The following FRMD3 variants were observed in gnomAD, a reference collection of about 807,000 sequenced individuals.
FRMD3 encodes FERM domain-containing protein 3.
In FRMD3, 33 loss-of-function variants were observed where a neutral mutation model predicts 70.2. The ratio of observed to expected loss-of-function variants is 0.47; its 90% CI spans 0.36 to 0.63. The LOEUF (loss-of-function observed/expected upper bound fraction) is 0.63, where lower values mean the gene tolerates loss of function less well. FRMD3 is among the 20% of genes least tolerant of loss of function. The pLI is 0.00. For synonymous variants in FRMD3, 279 were observed against 255.9 expected, an observed-to-expected ratio of 1.09 and a Z score of -0.86; for missense variants, 632 against 711.4, an observed-to-expected ratio of 0.89 and a Z score of 1.27.
At chr9:83,441,253 T>A (rs931699014) in intron 1 of FRMD3, among the ~76,000 whole-genome samples, 6 of 152,134 alleles carry the variant, frequency 3.9e-5, no homozygotes, top group Non-Finnish European at 8.8e-5. Flanking sequence ...ATAATGTGAA[T>A]TTTGTTTTTG....
intron 3 of FRMD3, among the ~76,000 whole-genome samples, chr9:83,367,407 T>C (rs1824824591): frequency 6.6e-6 from 1 of 152,184 alleles, no homozygotes; most frequent in South Asian, 2.1e-4. Flanking sequence ...TTTCCCTGAA[T>C]GCAGCTATAA....
chr9:83,489,673 T>C (rs1003286337), intron 1 of FRMD3, among the ~76,000 whole-genome samples: 12 of 152,226 alleles, frequency 7.9e-5, no homozygotes, highest in Admixed American at 2.0e-4. Flanking sequence ...TCCAAATTAG[T>C]TCAGCCATTG....
chr9:83,486,436 C>T (rs1346380914), intron 1 of FRMD3, among the ~76,000 whole-genome samples: 4 of 152,190 alleles, frequency 2.6e-5, no homozygotes, highest in Non-Finnish European at 5.9e-5. Flanking sequence ...TAGCCAAGCT[C>T]TTCCCCAGCC....
At chr9:83,305,808 A>G (rs963186397) in intron 10 of FRMD3, among the ~76,000 whole-genome samples, 2 of 152,232 alleles carry the variant, frequency 1.3e-5, no homozygotes, top group Non-Finnish European at 2.9e-5. Flanking sequence ...AACTATAGCC[A>G]AAGTGCCAAT....
chr9:83,252,022 G>A (rs932205676), intron 13 of FRMD3, among the ~76,000 whole-genome samples: 3 of 152,080 alleles, frequency 2.0e-5, no homozygotes, highest in Non-Finnish European at 4.4e-5. Flanking sequence ...GAAATGCAGA[G>A]AACCCCAGTA....
intron 1 of FRMD3, among the ~76,000 whole-genome samples, chr9:83,430,689 T>C (rs976246114): frequency 1.3e-5 from 2 of 152,202 alleles, no homozygotes; most frequent in East Asian, 1.9e-4. Flanking sequence ...CTCTAAAGTT[T>C]AAAGCCGTTG....
chr9:83,348,174 G>T (rs1167024399), intron 4 of FRMD3, among the ~76,000 whole-genome samples: 1 of 152,014 alleles, frequency 6.6e-6, no homozygotes, highest in East Asian at 1.9e-4. Context: ...GATTTGATTT[G>T]ATCTTCCTAA....
At chr9:83,382,546 G>A (rs1825389987) in intron 2 of FRMD3, among the ~76,000 whole-genome samples, 1 of 152,154 alleles carries the variant, frequency 6.6e-6, no homozygotes, top group South Asian at 2.1e-4. Flanking sequence ...GCAGAGATAG[G>A]ATTTGCCCTG....
rs147472403 is a variant in FRMD3, at chr9:83,387,913, G to A, written c.252+1691C>T. On this transcript the variant is annotated intron_variant, in intron 2 of 13. Transcript: ENST00000304195. Reference sequence around the variant, plus strand: ...AGGTCTGGAATAGGGTTCACACTACGCAAACATCTAAGGTGATTTTCTTGC... The same window carrying A: ...AGGTCTGGAATAGGGTTCACACTACACAAACATCTAAGGTGATTTTCTTGC... 7.2e-5 allele frequency among the ~76,000 whole-genome samples: 11 copies of A among 152,212 alleles called. No homozygotes were observed. The East Asian group carries it at 1.2e-3, about 16-fold the overall frequency.
At chr9:83,422,946 G>A (rs1198928993) in intron 1 of FRMD3, among the ~76,000 whole-genome samples, 1 of 152,162 alleles carries the variant, frequency 6.6e-6, no homozygotes, top group African/African-American at 2.4e-5. Context: ...ACCAGGCCAG[G>A]GAACGAATGC....
chr9:83,451,548 A>T (rs1827657710), intron 1 of FRMD3, among the ~76,000 whole-genome samples: 1 of 152,248 alleles, frequency 6.6e-6, no homozygotes, highest in African/African-American at 2.4e-5. Context: ...CCTGGGGCCA[A>T]ATAGCCTGAC....
intron 3 of FRMD3, among the ~76,000 whole-genome samples, chr9:83,371,784 C>T (rs1824982144): frequency 6.6e-6 from 1 of 151,926 alleles, no homozygotes; most frequent in Admixed American, 6.6e-5. Context: ...ACTAACCAGA[C>T]AGAGTTTGCC....
At chr9:83,274,668 G>C (rs1833737391) in intron 13 of FRMD3, among the ~76,000 whole-genome samples, 1 of 152,226 alleles carries the variant, frequency 6.6e-6, no homozygotes, top group Non-Finnish European at 1.5e-5. Flanking sequence ...AGGGAACTAA[G>C]GCTGGAGAGG....
chr9:83,498,140 C>A (rs184999641), intron 1 of FRMD3, among the ~76,000 whole-genome samples: 3 of 150,906 alleles, frequency 2.0e-5, no homozygotes, highest in Non-Finnish European at 4.4e-5. Context: ...ACTGCACTCT[C>A]GCCTGGAAGA....
chr9:83,424,293 T>C (rs930616950), intron 1 of FRMD3, among the ~76,000 whole-genome samples: 17 of 152,340 alleles, frequency 1.1e-4, no homozygotes, highest in African/African-American at 4.1e-4. Context: ...AAACAGTGAA[T>C]GTTAGACGAT....
chr9:83,312,472 T>C (rs527902761), intron 7 of FRMD3, among the ~76,000 whole-genome samples: 10 of 152,300 alleles, frequency 6.6e-5, no homozygotes, highest in African/African-American at 2.2e-4. Context: ...AAACTAAGCA[T>C]CTTGTAGATA....
intron 12 of FRMD3, among the ~76,000 whole-genome samples, chr9:83,291,753 G>A (rs1225375519): frequency 2.0e-5 from 3 of 152,196 alleles, no homozygotes; most frequent in Admixed American, 6.5e-5. Context: ...GGCATCTTGT[G>A]AAAATGTGTT....
chr9:83,253,556 C>T (rs1481551400), intron 13 of FRMD3, among the ~76,000 whole-genome samples: 2 of 152,130 alleles, frequency 1.3e-5, no homozygotes, highest in Non-Finnish European at 2.9e-5. Context: ...AAATCAAAAC[C>T]ACAATGAGAT....
At chr9:83,339,099 C>A (rs1043523332) in intron 5 of FRMD3, among the ~76,000 whole-genome samples, 1 of 152,096 alleles carries the variant, frequency 6.6e-6, no homozygotes, top group Admixed American at 6.5e-5. Flanking sequence ...TTTCAGGGTG[C>A]CCTTTTCTTT....
Sources: allele counts gnomAD v4.1 joint callset (sites outside exome capture counted in the v4.1 genomes callset), GRCh38; gene constraint gnomAD v4.1.1; transcripts MANE v1.5; gene names NCBI Gene and HGNC (gene_info 2026-07-23, HGNC 2026-07-21).